The following MIA3 variants were observed in gnomAD, a reference collection of about 807,000 sequenced individuals.
MIA3 encodes transport and Golgi organization protein 1 homolog.
A neutral mutation model predicts 192.4 loss-of-function variants in MIA3; 90 were observed. The ratio of observed to expected loss-of-function variants is 0.47; its 90% CI spans 0.39 to 0.56. The LOEUF is 0.56. MIA3 is among the 20% of genes least tolerant of loss of function. The pLI, the probability that MIA3 is intolerant of heterozygous loss-of-function variation, is 0.00. For missense variants in MIA3, 2,123 were observed against 2,269.4 expected (o/e 0.94, Z 1.31); for synonymous variants, 740 against 792.8 (o/e 0.93, Z 1.12).
chr1:222,656,625 G>A (rs1398318598), intron 18 of MIA3, among the ~76,000 whole-genome samples: 1 of 151,910 alleles, frequency 6.6e-6, no homozygotes, highest in African/African-American at 2.4e-5. Flanking sequence ...TATACTGCTT[G>A]AGGTTATAAA....
intron 18 of MIA3, among the ~76,000 whole-genome samples, chr1:222,656,970 G>A (rs1291271776): frequency 6.6e-6 from 1 of 152,116 alleles, no homozygotes; most frequent in Non-Finnish European, 1.5e-5. Flanking sequence ...AAATCTATGT[G>A]GTAATCCTAT....
At chr1:222,657,733 A>G (rs752480228) in intron 18 of MIA3, among the ~76,000 whole-genome samples, 3 of 152,244 alleles carry the variant, frequency 2.0e-5, no homozygotes, top group Non-Finnish European at 4.4e-5. Flanking sequence ...CCATTAGTGC[A>G]GAGGTGGTAC....
Position 222,633,245 on chromosome 1 carries a change from A to G in MIA3, c.3473A>G (p.Lys1158Arg). The stretch of plus-strand genomic sequence containing the variant: ...TATTCATTCATGTTTTATTTAACTA[A>G]GTCGGTAAGTTTAACATAGTTTTTT... ...LIYSFMFYLTKSLVATLPDDV... is the reference protein window; with the variant it reads ...LIYSFMFYLTRSLVATLPDDV... Residue 1158 changes from lysine to arginine, a missense_variant, in exon 6 of 28, where the codon AAG becomes AGG. Coordinates refer to ENST00000344922, the MANE Select transcript of MIA3 (RefSeq NM_198551.4). 1.9e-6 allele frequency: 3 copies of G among 1,599,710 alleles called. No individual in the cohort carries two copies. Among genetic ancestry groups the G allele is most frequent in the Non-Finnish European group, 2.6e-6 (3 of 1,174,540 alleles).
chr1:222,648,110 T>C (rs113025487), intron 7 of MIA3, among the ~76,000 whole-genome samples: 49 of 152,198 alleles, frequency 3.2e-4, no homozygotes, highest in Non-Finnish European at 6.3e-4. Context: ...TTTCTTGTCC[T>C]ATAATTTAGT....
At chr1:222,644,476 A>G (rs1406576409) in intron 6 of MIA3, 5 of 1,550,430 alleles carry the variant, frequency 3.2e-6, no homozygotes, top group African/African-American at 1.4e-5. Context: ...GTTCTACACA[A>G]TGGACTCAGT....
chr1:222,627,768 A>G lies in MIA3; in HGVS notation c.548A>G (p.Glu183Gly). The G allele has an allele frequency of 1.2e-6, 2 of 1,613,160 alleles. No homozygotes were observed. Among genetic ancestry groups the G allele is most frequent in the South Asian group, 2.2e-5 (2 of 90,736 alleles). ...KEREPEPEPV[E>G]ANSEESDSVF... ...AGGGAACCTGAACCTGAACCAGTAG[A>G]AGCCAACTCAGAGGAAAGTGATAGT... Residue 183 changes from glutamate to glycine, a missense_variant, in exon 4 of 28, where the codon GAA becomes GGA. Coordinates refer to ENST00000344922, the MANE Select transcript of MIA3 (RefSeq NM_198551.4).
Position 222,628,120 on chromosome 1 carries a change from A to G in MIA3, c.900A>G (p.Glu300=), listed in dbSNP as rs919065988. The G allele has an allele frequency of 1.2e-6, 2 of 1,613,868 alleles. No individual in the cohort carries two copies. Among genetic ancestry groups the G allele is most frequent in the African/African-American group, 2.7e-5 (2 of 74,942 alleles). The change falls in exon 4 of 28, where the codon GAA becomes GAG. Residue 300 remains glutamate (E), a synonymous_variant. Coordinates refer to ENST00000344922, the MANE Select transcript of MIA3 (RefSeq NM_198551.4). ...CAACCAGACTCGTTACTTCATTAGA[A>G]GATGATTTTGATGAGGAATTGGATA... The part of the protein sequence containing the change: ...DETTRLVTSL[E]DDFDEELDTE...
At chr1:222,664,193 ATCT>A in intron 27 of MIA3, 45 bp downstream of exon 27, 1 of 1,595,188 alleles carries the variant, frequency 6.3e-7, no homozygotes, top group Non-Finnish European at 8.6e-7. Context: ...AAGCACATTC[ATCT>A]TCTCCATCTA....
At chr1:222,623,281 T>G (rs183427019) in intron 2 of MIA3, among the ~76,000 whole-genome samples, 94 of 149,860 alleles carry the variant, frequency 6.3e-4, no homozygotes, top group African/African-American at 1.6e-3. Context: ...TTTTTTTTTT[T>G]GTTTTTTTTT....
At chr1:222,633,343 T>C (rs942812230) in intron 6 of MIA3, 94 bp downstream of exon 6, 63 of 1,050,456 alleles carry the variant, frequency 6.0e-5, no homozygotes, top group Non-Finnish European at 8.2e-5. Context: ...AAAATGTCTT[T>C]ATGAACCTGA....
intron 2 of MIA3, among the ~76,000 whole-genome samples, chr1:222,621,965 C>T (rs1466083569): frequency 6.6e-6 from 1 of 152,152 alleles, no homozygotes; most frequent in African/African-American, 2.4e-5. Flanking sequence ...CCTGCCACCA[C>T]ACGGCTAATT....
chr1:222,659,902 C>G lies in MIA3; in HGVS notation c.4875-4C>G, dbSNP rs759925222. On this transcript the variant is annotated splice_region_variant and splice_polypyrimidine_tract_variant and intron_variant, in intron 22 of 27. Transcript: ENST00000344922. Reference sequence around the variant, plus strand: ...TTCTTAAATATTCTTTCTCTATATTCAAGATTATTAGAATTAACACAAAAG... The same window carrying G: ...TTCTTAAATATTCTTTCTCTATATTGAAGATTATTAGAATTAACACAAAAG... The G allele has an allele frequency of 3.1e-6, 5 of 1,607,358 alleles. No homozygotes were observed. The highest frequency in any genetic ancestry group is 4.3e-6 in the Non-Finnish European group (5 of 1,174,846).
rs755315436 is a variant in MIA3 at position 222,645,554 on chromosome 1, C to T, written c.3478C>T (p.Leu1160=). The T allele has an allele frequency of 6.2e-7, 1 of 1,605,008 alleles. No homozygotes were observed. The change falls in exon 7 of 28, where the codon CTA becomes TTA. Residue 1160 remains leucine, a splice_region_variant and synonymous_variant. Transcript: ENST00000344922. ...YSFMFYLTKS[L]VATLPDDVQP... The stretch of plus-strand genomic sequence containing the variant: ...TTCTAACATTATTTCTAACATTCAG[C>T]TAGTTGCTACATTGCCTGATGATGT...
intron 27 of MIA3, 123 bp downstream of exon 27, chr1:222,664,271 C>A: frequency 2.9e-6 from 3 of 1,032,034 alleles, no homozygotes; most frequent in Non-Finnish European, 4.4e-6. Context: ...ATTGAGTACA[C>A]CGTAACTTTT....
rs906044923 is a variant in MIA3 at position 222,644,393 on chromosome 1, T to C, written c.3478-1161T>C. 3.9e-6 allele frequency: 6 copies of C among 1,536,096 alleles called. No individual in the cohort carries two copies. The Admixed American group carries it at 1.2e-4, about 31-fold the overall frequency. ...GAGTCCGCCCCCTGAATTGGGGCCT[T>C]TCCGGAGGAGGAAGCTCTGAAAAAC... On this transcript the variant is annotated intron_variant, in intron 6 of 27. Coordinates refer to ENST00000344922, the MANE Select transcript of MIA3 (RefSeq NM_198551.4).
intron 6 of MIA3, 100 bp from the exon 7 acceptor site, chr1:222,645,454 A>G (rs1461202033): frequency 3.8e-6 from 4 of 1,046,482 alleles, no homozygotes; most frequent in East Asian, 2.7e-5. Context: ...GGTATCTGAT[A>G]GAGTTGGTTT....
chr1:222,645,398 GT>G (rs1190103777), intron 6 of MIA3, among the ~76,000 whole-genome samples, 155 bp from the exon 7 acceptor site: 11 of 152,200 alleles, frequency 7.2e-5, no homozygotes, highest in African/African-American at 2.4e-4. Flanking sequence ...CCAGTATCCT[GT>G]TTTTCTTAAA....
Position 222,667,182 on chromosome 1 carries a change from A to T in MIA3, c.*1563A>T, listed in dbSNP as rs993298530. 1.3e-5 allele frequency: 2 copies of T among 152,250 alleles called. No individual in the cohort carries two copies. The highest frequency in any genetic ancestry group is 2.9e-5 in the Non-Finnish European group (2 of 68,030). The allele number at this position is 152,250 out of a possible 1,614,324, so 9.4% of individuals were successfully genotyped here. On this transcript the variant is annotated 3_prime_UTR_variant, in exon 28 of 28. Coordinates refer to ENST00000344922, the MANE Select transcript of MIA3 (RefSeq NM_198551.4). ...GAAAGATAAGGACCTTTGAAAGAAG[A>T]CAACTCTGTCAAAGTTCATAAGGAA...
At chr1:222,644,910 T>C (rs1248558751) in intron 6 of MIA3, among the ~76,000 whole-genome samples, 2 of 152,144 alleles carry the variant, frequency 1.3e-5, no homozygotes, top group Non-Finnish European at 2.9e-5. Flanking sequence ...ACCAGTGTGA[T>C]AGTGTACTTG....
Sources: allele counts gnomAD v4.1 joint callset (sites outside exome capture counted in the v4.1 genomes callset), GRCh38; gene constraint gnomAD v4.1.1; transcripts MANE v1.5; gene names NCBI Gene and HGNC (gene_info 2026-07-23, HGNC 2026-07-21).